The following DCC variants were observed in gnomAD, a reference collection of about 807,000 sequenced individuals.
The protein encoded by DCC is netrin receptor DCC.
DCC carries 58 observed loss-of-function variants against 172.5 expected under a neutral mutation model. The ratio of observed to expected loss-of-function variants is 0.34; its 90% CI spans 0.27 to 0.42. DCC has a LOEUF of 0.42. DCC is among the 10% of genes least tolerant of loss of function. The pLI is 1.00. For missense variants in DCC, 1,740 were observed against 1,791.0 expected (o/e 0.97, Z 0.51); for synonymous variants, 709 against 644.5 (o/e 1.10, Z -1.52).
intron 21 of DCC, among the ~76,000 whole-genome samples, chr18:53,430,350 C>G (rs1188589048): frequency 1.3e-5 from 2 of 152,046 alleles, no homozygotes; most frequent in Admixed American, 1.3e-4. Context: ...TCTCTTATGC[C>G]CATTCAGGGA....
In DCC at chr18:52,612,803, C is replaced by T. The variant is rs533284751; in HGVS notation, c.92-139251C>T. 5.9e-5 allele frequency among the ~76,000 whole-genome samples: 9 copies of T among 152,278 alleles called. No individual in the cohort carries two copies. The East Asian group carries it at 1.4e-3, about 23-fold the overall frequency. On this transcript the variant is annotated intron_variant, in intron 1 of 28. Coordinates refer to ENST00000442544, the MANE Select transcript of DCC (RefSeq NM_005215.4). ...ATATGTTGGTACTTTAAACATTTTG[C>T]CATTTTTGCCTTATGTAATCTCTTG... is the stretch of plus-strand genomic sequence containing the variant.
chr18:53,498,254 T>C (rs750384038), intron 26 of DCC, among the ~76,000 whole-genome samples: 15 of 152,324 alleles, frequency 9.8e-5, no homozygotes, highest in Non-Finnish European at 1.6e-4. Flanking sequence ...CCGGGAGACT[T>C]GTCTCAAAAT....
At chr18:53,375,260 C>T (rs2058098689) in intron 15 of DCC, among the ~76,000 whole-genome samples, 1 of 151,990 alleles carries the variant, frequency 6.6e-6, no homozygotes, top group Non-Finnish European at 1.5e-5. Context: ...TCTTTCTGTT[C>T]ATGTCTTCTG....
intron 7 of DCC, among the ~76,000 whole-genome samples, chr18:53,068,237 T>C (rs1317966874): frequency 6.6e-6 from 1 of 152,202 alleles, no homozygotes; most frequent in Non-Finnish European, 1.5e-5. Flanking sequence ...TCAGGGTCTC[T>C]AATGTGAGCC....
At chr18:52,472,844 C>T (rs1214117484) in intron 1 of DCC, among the ~76,000 whole-genome samples, 1 of 152,128 alleles carries the variant, frequency 6.6e-6, no homozygotes, top group Non-Finnish European at 1.5e-5. Context: ...GGGTTTGAGG[C>T]TGCAGTCAAC....
chr18:53,060,696 T>C (rs1442446531), intron 5 of DCC, among the ~76,000 whole-genome samples: 3 of 152,018 alleles, frequency 2.0e-5, no homozygotes, highest in Non-Finnish European at 4.4e-5. Context: ...TAAGAGAAGG[T>C]TTTAGGGATT....
At position 52,478,105 on chromosome 18, in the gene DCC, C is replaced by T. The variant is rs187717960; in HGVS notation, c.91+137227C>T. 3.3e-3 allele frequency among the ~76,000 whole-genome samples: 503 copies of T among 152,210 alleles called. 5 individuals are homozygous for T. Among genetic ancestry groups the T allele is most frequent in the Non-Finnish European group, 2.8e-3 (187 of 67,990 alleles). ...AATTAAAAGAGTGAGCCACCAGGTC[C>T]GGTCCCTGGTCTATATGTATATCCT... is the stretch of plus-strand genomic sequence containing the variant. On this transcript the variant is annotated intron_variant, in intron 1 of 28. Coordinates refer to ENST00000442544, the MANE Select transcript of DCC (RefSeq NM_005215.4).
At chr18:53,468,071 TA>T (rs2045645120) in intron 25 of DCC, 61 bp downstream of exon 25, 1 of 875,274 alleles carries the variant, frequency 1.1e-6, no homozygotes, top group Non-Finnish European at 2.0e-6. Context: ...ATCTTTTCTA[TA>T]AAAAATCAAA....
chr18:52,425,337 C>T lies in DCC; in HGVS notation c.91+84459C>T, dbSNP rs368914053. ...TCCTCAGATAGATCCCTGAGTGTCA[C>T]GGGGCTCTAAGTCTCATGATGATCC... On this transcript the variant is annotated intron_variant, in intron 1 of 28. Transcript: ENST00000442544. Among the ~76,000 whole-genome samples, 6 of 152,106 alleles carry T rather than the reference C, an allele frequency of 3.9e-5. No individual in the cohort carries two copies. The East Asian group carries it at 1.2e-3, about 29-fold the overall frequency.
At chr18:52,985,665 T>G (rs1249236003) in intron 5 of DCC, among the ~76,000 whole-genome samples, 1 of 152,122 alleles carries the variant, frequency 6.6e-6, no homozygotes. Context: ...TTATTTACTA[T>G]GTCTTTTTTT....
chr18:52,424,896 T>G (rs539697346), intron 1 of DCC, among the ~76,000 whole-genome samples: 1 of 150,950 alleles, frequency 6.6e-6, no homozygotes, highest in African/African-American at 2.4e-5. Flanking sequence ...CCATTCATTT[T>G]TTATTATCTC....
chr18:52,828,726 T>C (rs1391248719), intron 2 of DCC, among the ~76,000 whole-genome samples: 4 of 152,156 alleles, frequency 2.6e-5, no homozygotes, highest in Non-Finnish European at 4.4e-5. Context: ...GAAAATCTAG[T>C]GTTTCTGTCT....
chr18:53,231,786 A>C (rs1375323345), intron 12 of DCC, among the ~76,000 whole-genome samples: 1 of 152,132 alleles, frequency 6.6e-6, no homozygotes, highest in Non-Finnish European at 1.5e-5. Context: ...TACCTTTATC[A>C]GTCTTCAGCC....
chr18:53,396,614 C>G (rs1003124771), intron 17 of DCC, among the ~76,000 whole-genome samples: 1 of 152,102 alleles, frequency 6.6e-6, no homozygotes, highest in Non-Finnish European at 1.5e-5. Flanking sequence ...GAATGAAAAC[C>G]ATGTGACTCA....
chr18:52,420,103 G>A (rs544378247), intron 1 of DCC, among the ~76,000 whole-genome samples: 14 of 152,106 alleles, frequency 9.2e-5, no homozygotes, highest in African/African-American at 3.1e-4. Context: ...ATTATTTTTC[G>A]GTTTTGCATA....
At chr18:53,297,851 T>G (rs1303313836) in intron 12 of DCC, among the ~76,000 whole-genome samples, 1 of 152,226 alleles carries the variant, frequency 6.6e-6, no homozygotes, top group Non-Finnish European at 1.5e-5. Flanking sequence ...CTTTGTAATC[T>G]GCTGACGCTT....
intron 3 of DCC, among the ~76,000 whole-genome samples, chr18:52,918,185 A>G (rs2040069013): frequency 6.6e-6 from 1 of 152,170 alleles, no homozygotes; most frequent in African/African-American, 2.4e-5. Context: ...ACAAATTTGC[A>G]TTCTGATACC....
chr18:52,687,506 ATCT>A (rs1568042085), intron 1 of DCC, among the ~76,000 whole-genome samples: 1 of 151,908 alleles, frequency 6.6e-6, no homozygotes, highest in African/African-American at 2.4e-5. Context: ...GCCGGTCTCA[ATCT>A]CCTGACCTCA....
chr18:53,157,017 C>T (rs1192977537), intron 7 of DCC, among the ~76,000 whole-genome samples: 1 of 152,126 alleles, frequency 6.6e-6, no homozygotes. Flanking sequence ...TTCTAGAACT[C>T]AAGTGCTTGT....
Sources: gnomAD v4.1 joint callset for allele counts (sites outside exome capture counted in the v4.1 genomes callset) on GRCh38, gnomAD v4.1.1 for gene constraint, MANE v1.5 for transcripts, NCBI Gene and HGNC (gene_info 2026-07-23, HGNC 2026-07-21) for gene names.